The following KLF12 variants were observed in gnomAD, a reference collection of about 807,000 sequenced individuals.
KLF12 encodes the protein KLF transcription factor 12.
A neutral mutation model predicts 37.8 loss-of-function variants in KLF12; 9 were observed. That is an observed-to-expected ratio of 0.24 (90% confidence interval 0.14 to 0.42). The LOEUF is 0.42. Among genes scored for constraint, KLF12 ranks in the 10% least tolerant of loss-of-function variants. The pLI is 1.00. For synonymous variants in KLF12, 208 were observed against 202.1 expected (o/e 1.03, Z -0.25); for missense variants, 411 against 516.0 (o/e 0.80, Z 1.97).
At position 74,022,025 on chromosome 13, in the gene KLF12, G is replaced by C. The variant is rs147249073; in HGVS notation, c.-31-26972C>G. Among the ~76,000 whole-genome samples, 703 of 152,180 alleles carry C rather than the reference G, an allele frequency of 4.6e-3. 3 individuals are homozygous for C. Among genetic ancestry groups the C allele is most frequent in the African/African-American group, 0.013 (553 of 41,506 alleles). ...AAGGAAATGAGTGCAGGATGAAGGC[G>C]GCTTTCATTCCAAGTCATCTACATG... On this transcript the variant is annotated intron_variant, in intron 1 of 7. Transcript: ENST00000377669.
At chr13:73,808,034 A>G (rs1191023124) in intron 5 of KLF12, among the ~76,000 whole-genome samples, 1 of 152,198 alleles carries the variant, frequency 6.6e-6, no homozygotes, top group African/African-American at 2.4e-5. Context: ...AACTTCACCT[A>G]TTGAAAAGAC....
At chr13:74,036,090 C>T (rs1256396782) in intron 1 of KLF12, among the ~76,000 whole-genome samples, 3 of 152,140 alleles carry the variant, frequency 2.0e-5, no homozygotes, top group Non-Finnish European at 4.4e-5. Flanking sequence ...CACTCCTATC[C>T]GCAAGGCCTA....
At chr13:73,799,943 A>T (rs1166846931) in intron 5 of KLF12, 2 of 152,064 alleles carry the variant, frequency 1.3e-5, no homozygotes, top group African/African-American at 2.4e-5. Flanking sequence ...TAGCTCAAAG[A>T]TTTTATTTCC....
the KLF12 span, among the ~76,000 whole-genome samples, chr13:74,242,004 A>C: frequency 1.1e-4 from 17 of 152,162 alleles, no homozygotes; most frequent in African/African-American, 4.1e-4. Flanking sequence ...GAATATTAAA[A>C]GCTCTTCTGC....
chr13:74,195,521 T>G, the KLF12 span, among the ~76,000 whole-genome samples: 1 of 152,172 alleles, frequency 6.6e-6, no homozygotes, highest in Non-Finnish European at 1.5e-5. Flanking sequence ...TGTCTGAGAT[T>G]GGGAAGCAGT....
intron 5 of KLF12, among the ~76,000 whole-genome samples, chr13:73,811,059 C>T (rs1221882738): frequency 7.9e-6 from 1 of 126,504 alleles, no homozygotes; most frequent in Admixed American, 9.6e-5. Context: ...GATCTCAGCT[C>T]ACTGCAACCT....
chr13:74,041,777 G>C (rs1893411794), intron 1 of KLF12, among the ~76,000 whole-genome samples: 1 of 151,148 alleles, frequency 6.6e-6, no homozygotes, highest in African/African-American at 2.4e-5. Flanking sequence ...GAATAGCAAA[G>C]TTTTCAGAGC....
the KLF12 span, among the ~76,000 whole-genome samples, chr13:74,220,841 G>C: frequency 6.6e-6 from 1 of 152,066 alleles, no homozygotes; most frequent in African/African-American, 2.4e-5. Context: ...TCAAATGACA[G>C]GATTTTCTTC....
chr13:74,165,546 A>G, the KLF12 span, among the ~76,000 whole-genome samples: 3 of 151,788 alleles, frequency 2.0e-5, no homozygotes, highest in Non-Finnish European at 4.4e-5. Context: ...TGATCTACTC[A>G]CCTCAGCCTC....
At chr13:73,730,686 A>G (rs1594018674) in intron 6 of KLF12, among the ~76,000 whole-genome samples, 1 of 152,118 alleles carries the variant, frequency 6.6e-6, no homozygotes, top group South Asian at 2.1e-4. Context: ...GTCTTGAAGA[A>G]TACTGGTATG....
intron 3 of KLF12, among the ~76,000 whole-genome samples, chr13:73,917,489 T>G (rs1284111701): frequency 6.6e-6 from 1 of 152,236 alleles, no homozygotes; most frequent in Non-Finnish European, 1.5e-5. Flanking sequence ...GACATACATA[T>G]ATGATGGCAA....
intron 1 of KLF12, among the ~76,000 whole-genome samples, chr13:74,022,390 C>T (rs924314953): frequency 1.3e-5 from 2 of 150,650 alleles, no homozygotes; most frequent in African/African-American, 2.5e-5. Context: ...TATACACACA[C>T]ATTAAGTCCC....
At chr13:73,969,918 A>G (rs1022252521) in intron 2 of KLF12, among the ~76,000 whole-genome samples, 3 of 152,184 alleles carry the variant, frequency 2.0e-5, no homozygotes, top group African/African-American at 7.2e-5. Context: ...TGACCTACCT[A>G]TCTTTTGTTC....
chr13:74,189,429 A>G, the KLF12 span, among the ~76,000 whole-genome samples: 1 of 152,178 alleles, frequency 6.6e-6, no homozygotes, highest in Non-Finnish European at 1.5e-5. Context: ...CTTTCCGTAG[A>G]TGGCACCGAG....
upstream of KLF12, among the ~76,000 whole-genome samples, chr13:74,135,848 G>C (rs1006540024): frequency 1.3e-5 from 2 of 152,212 alleles, no homozygotes; most frequent in Non-Finnish European, 2.9e-5. Flanking sequence ...CGAGAAACAG[G>C]AAATGAGAAC....
At chr13:74,129,608 C>T (rs573520853) in intron 1 of KLF12, among the ~76,000 whole-genome samples, 1 of 151,414 alleles carries the variant, frequency 6.6e-6, no homozygotes, top group African/African-American at 2.4e-5. Flanking sequence ...GTGTTTGGAG[C>T]AGTCTAATTA....
At chr13:74,049,524 G>A (rs1020949450) in intron 1 of KLF12, among the ~76,000 whole-genome samples, 5 of 151,996 alleles carry the variant, frequency 3.3e-5, no homozygotes, top group East Asian at 1.9e-4. Flanking sequence ...ATAAGAGGAC[G>A]TCATTAAAAA....
At chr13:74,299,342 G>C in the KLF12 span, among the ~76,000 whole-genome samples, 4 of 152,154 alleles carry the variant, frequency 2.6e-5, no homozygotes, top group Non-Finnish European at 5.9e-5. Flanking sequence ...ATGTGACCTG[G>C]CTCAGGCTTT....
At chr13:74,068,867 A>C (rs1874068076) in intron 1 of KLF12, among the ~76,000 whole-genome samples, 1 of 152,070 alleles carries the variant, frequency 6.6e-6, no homozygotes, top group African/African-American at 2.4e-5. Flanking sequence ...TATTTGAATA[A>C]AATAATGAAG....
Sources: allele counts gnomAD v4.1 joint callset (sites outside exome capture counted in the v4.1 genomes callset), GRCh38; gene constraint gnomAD v4.1.1; transcripts MANE v1.5; gene names NCBI Gene and HGNC (gene_info 2026-07-23, HGNC 2026-07-21).